LRRC72: variants seen among roughly 807,000 people sequenced by gnomAD.
The protein encoded by LRRC72 is leucine-rich repeat-containing protein 72.
A neutral mutation model predicts 35.8 loss-of-function variants in LRRC72; 41 were observed. The observed-to-expected ratio is 1.15, with a 90% confidence interval of 0.89 to 1.49. The LOEUF is 1.49. Ranked by LOEUF, LRRC72 falls within the 40% of genes most tolerant of loss-of-function variation. The probability of loss-of-function intolerance (pLI) is 0.00; values close to 1 mark genes in which losing one functional copy is unlikely to be tolerated. For synonymous variants in LRRC72, 118 were observed against 119.2 expected (o/e 0.99, Z 0.07); for missense variants, 389 against 330.7 (o/e 1.18, Z -1.37).
At chr7:16,531,485 A>G (rs1172856332) in intron 1 of LRRC72, among the ~76,000 whole-genome samples, 1 of 152,204 alleles carries the variant, frequency 6.6e-6, no homozygotes, top group East Asian at 1.9e-4. Context: ...AACTCCTGTT[A>G]AAGTCCTCTA....
intron 4 of LRRC72, among the ~76,000 whole-genome samples, chr7:16,557,918 T>C (rs755326221): frequency 5.9e-5 from 9 of 152,112 alleles, no homozygotes; most frequent in Non-Finnish European, 1.2e-4. Flanking sequence ...AGAAGCACAG[T>C]ACAAAACACT....
intron 3 of LRRC72, among the ~76,000 whole-genome samples, chr7:16,548,037 C>G (rs1268904582): frequency 6.6e-6 from 1 of 152,218 alleles, no homozygotes; most frequent in African/African-American, 2.4e-5. Flanking sequence ...TTCCTCCCCT[C>G]TAAGGCCCAT....
rs112931972 is a variant in LRRC72 at position 16,574,747 on chromosome 7, T to C, written c.671-5327T>C. Reference sequence around the variant, plus strand: ...AACCATCATGGCACATGTGTACCTATGTAACAAGCCTGCACGTCCTGCACA... The same window carrying C: ...AACCATCATGGCACATGTGTACCTACGTAACAAGCCTGCACGTCCTGCACA... On this transcript the variant is annotated intron_variant, in intron 7 of 8. Coordinates refer to ENST00000401542, the MANE Select transcript of LRRC72 (RefSeq NM_001195280.2). 8.7e-3 allele frequency among the ~76,000 whole-genome samples: 1,318 copies of C among 152,036 alleles called. 23 individuals carry two copies. Among genetic ancestry groups the C allele is most frequent in the African/African-American group, 0.03 (1,258 of 41,448 alleles).
intron 8 of LRRC72, among the ~76,000 whole-genome samples, chr7:16,580,708 C>T (rs1250932837): frequency 6.6e-6 from 1 of 151,976 alleles, no homozygotes; most frequent in East Asian, 1.9e-4. Flanking sequence ...GTTTTATATT[C>T]CTTGTTTAGC....
At chr7:16,554,475 C>T (rs961474989) in intron 3 of LRRC72, among the ~76,000 whole-genome samples, 9 of 152,092 alleles carry the variant, frequency 5.9e-5, no homozygotes, top group African/African-American at 1.9e-4. Context: ...CCTCAATTTC[C>T]TCCACTTCTT....
chr7:16,562,562 G>C (rs1228815298), intron 5 of LRRC72, among the ~76,000 whole-genome samples: 5 of 152,208 alleles, frequency 3.3e-5, no homozygotes, highest in Non-Finnish European at 7.3e-5. Context: ...GGAACAGGGA[G>C]TTCCTCCTTT....
intron 3 of LRRC72, among the ~76,000 whole-genome samples, chr7:16,548,081 AAC>A (rs984143523): frequency 2.4e-4 from 36 of 152,354 alleles, no homozygotes; most frequent in African/African-American, 8.4e-4. Context: ...TTGAAGAGAC[AAC>A]AGGACGACCA....
intron 1 of LRRC72, among the ~76,000 whole-genome samples, chr7:16,528,338 T>C (rs77929871): frequency 0.086 from 13,048 of 152,058 alleles, 650 homozygotes; most frequent in East Asian, 0.15. Flanking sequence ...CCTGATGAGA[T>C]CTCTGATGAG....
At chr7:16,549,073 C>G (rs890535385) in intron 3 of LRRC72, among the ~76,000 whole-genome samples, 5 of 152,128 alleles carry the variant, frequency 3.3e-5, no homozygotes, top group African/African-American at 9.7e-5. Context: ...AATAAAAACT[C>G]TAATATTTTC....
chr7:16,568,916 C>T (rs187506652), intron 7 of LRRC72, among the ~76,000 whole-genome samples: 3 of 152,054 alleles, frequency 2.0e-5, no homozygotes, highest in Non-Finnish European at 4.4e-5. Context: ...TTATAACCAA[C>T]TCAATTATTA....
chr7:16,570,999 C>G (rs979215650), intron 7 of LRRC72, among the ~76,000 whole-genome samples: 3 of 148,736 alleles, frequency 2.0e-5, no homozygotes, highest in African/African-American at 7.4e-5. Context: ...TCTTCCATGA[C>G]TTTTTGAAGA....
chr7:16,571,118 C>G (rs769491951), intron 7 of LRRC72, among the ~76,000 whole-genome samples: 1 of 151,938 alleles, frequency 6.6e-6, no homozygotes, highest in Non-Finnish European at 1.5e-5. Flanking sequence ...AAAGTAACAT[C>G]CATAGGACAT....
At chr7:16,566,225 C>A in intron 5 of LRRC72, 88 bp from the exon 6 acceptor site, 1 of 720,924 alleles carries the variant, frequency 1.4e-6, no homozygotes, top group Non-Finnish European at 2.0e-6. Flanking sequence ...ATGTTTTATA[C>A]GAATCTCTTA....
In LRRC72 at chr7:16,551,861, A is replaced by G. The variant is rs182675310; in HGVS notation, c.235-5499A>G. Among the ~76,000 whole-genome samples, 50 of 152,340 alleles carry G rather than the reference A, an allele frequency of 3.3e-4. No homozygotes were observed. In the East Asian group the frequency reaches 7.3e-3, roughly 22 times the overall value. ...CAAGGAGGGGGTAATGGGGACCCCAATTAACAGCCAGTTGGTCAGAAGCAC... is the reference window on the plus strand; with the variant it reads ...CAAGGAGGGGGTAATGGGGACCCCAGTTAACAGCCAGTTGGTCAGAAGCAC... On this transcript the variant is annotated intron_variant, in intron 3 of 8. Coordinates refer to ENST00000401542, the MANE Select transcript of LRRC72 (RefSeq NM_001195280.2).
In LRRC72 at chr7:16,566,318, T is replaced by C; in HGVS notation, c.433T>C (p.Tyr145His). 1 of 1,535,556 alleles carries C rather than the reference T, an allele frequency of 6.5e-7. No homozygotes were observed. Among genetic ancestry groups the C allele is most frequent in the African/African-American group, 1.4e-5 (1 of 72,608 alleles). The part of the protein sequence containing the change: ...GMLNLKILSL[Y>H]QNPLCQYNLY... ...TTTGGATTCTTCATTTGCAGGTCTATACCAAAATCCTTTGTGCCAATATAA... is the reference window on the plus strand; with the variant it reads ...TTTGGATTCTTCATTTGCAGGTCTACACCAAAATCCTTTGTGCCAATATAA... Residue 145 changes from tyrosine (Y) to histidine (H), a missense_variant, in exon 6 of 9, where the codon TAC becomes CAC. Physicochemically the swap from Tyr to His is moderately conservative, Grantham distance 83. Coordinates refer to ENST00000401542, the MANE Select transcript of LRRC72 (RefSeq NM_001195280.2).
rs145373493 is a variant in LRRC72 at position 16,530,458 on chromosome 7, A to C, written c.91-2037A>C. On this transcript the variant is annotated intron_variant, in intron 1 of 8. Coordinates refer to ENST00000401542, the MANE Select transcript of LRRC72 (RefSeq NM_001195280.2). ...TACTCAGTCCACTAATACTAATGCTAATCTCTTCCAAAAACATCCTCAGAA... is the reference window on the plus strand; with the variant it reads ...TACTCAGTCCACTAATACTAATGCTCATCTCTTCCAAAAACATCCTCAGAA... The C allele has an allele frequency of 2.6e-5, 4 of 152,278 alleles. 1 individual carries two copies. Among genetic ancestry groups the C allele is most frequent in the Non-Finnish European group, 5.9e-5 (4 of 68,018 alleles). The allele number at this position is 152,278 out of a possible 1,614,324, so 9.4% of individuals were successfully genotyped here.
At chr7:16,529,463 C>T (rs1327581193) in intron 1 of LRRC72, among the ~76,000 whole-genome samples, 1 of 152,072 alleles carries the variant, frequency 6.6e-6, no homozygotes, top group Non-Finnish European at 1.5e-5. Context: ...TTTAATGTTA[C>T]TATCGTAATT....
At chr7:16,578,966 G>C (rs1186729364) in intron 7 of LRRC72, among the ~76,000 whole-genome samples, 5 of 152,200 alleles carry the variant, frequency 3.3e-5, no homozygotes, top group Admixed American at 6.5e-5. Context: ...CTGTGGGGAA[G>C]GGGAAATGGG....
intron 7 of LRRC72, among the ~76,000 whole-genome samples, chr7:16,573,411 T>A (rs112185481): frequency 0.02 from 3,098 of 152,154 alleles, 104 homozygotes; most frequent in African/African-American, 0.069. Context: ...CTATACAACA[T>A]GCCTACAGTA....
Sources: allele counts gnomAD v4.1 joint callset (sites outside exome capture counted in the v4.1 genomes callset), GRCh38; gene constraint gnomAD v4.1.1; transcripts MANE v1.5; gene names NCBI Gene and HGNC (gene_info 2026-07-23, HGNC 2026-07-21).